DGAT1: variants seen among roughly 807,000 people sequenced by gnomAD.
DGAT1 encodes diacylglycerol O-acyltransferase 1.
DGAT1 carries 60 observed loss-of-function variants against 72.6 expected under a neutral mutation model. The observed-to-expected ratio is 0.83, with a 90% CI of 0.67 to 1.02. The LOEUF (loss-of-function observed/expected upper bound fraction) is 1.02. DGAT1 is among the 50% of genes least tolerant of loss of function. The probability of loss-of-function intolerance (pLI) is 0.00; values close to 1 mark genes in which losing one functional copy is unlikely to be tolerated. For missense variants in DGAT1, 592 were observed against 670.0 expected (o/e 0.88, Z 1.29); for synonymous variants, 290 against 267.5 (o/e 1.08, Z -0.82).
chr8:144,320,444 T>C (rs1248575205), intron 2 of DGAT1, among the ~76,000 whole-genome samples: 1 of 152,086 alleles, frequency 6.6e-6, no homozygotes, highest in African/African-American at 2.4e-5. Flanking sequence ...TCTAGGACCA[T>C]GGGCGGTGGG....
rs1817157838 is a variant in DGAT1, at chr8:144,315,189, C to T, written c.*1365G>A. 1.0e-6 allele frequency: 1 copy of T among 985,520 alleles called. No homozygotes were observed. The highest frequency in any genetic ancestry group is 1.7e-5 in the African/African-American group (1 of 57,350). 61.0% of individuals were successfully genotyped at this position (985,520 alleles called of 1,614,324 possible). A position where few individuals can be genotyped will look rare whatever the true frequency, so the allele number is the denominator to read the frequency against. ...AGCAACAGTTTGTTCTCGAGCTCCA[C>T]TGGCCAACTGATAGGGAGAGGCACA... On this transcript the variant is annotated 3_prime_UTR_variant, in exon 17 of 17. Transcript: ENST00000528718.
Position 144,317,012 on chromosome 8 carries a change from G to A in DGAT1, c.1248+10C>T. 3 of 1,612,196 alleles carry A rather than the reference G, an allele frequency of 1.9e-6. No individual in the cohort carries two copies. Among genetic ancestry groups the A allele is most frequent in the Non-Finnish European group, 2.5e-6 (3 of 1,179,608 alleles). On this transcript the variant is annotated intron_variant, in intron 15 of 16. Coordinates refer to ENST00000528718, the MANE Select transcript of DGAT1 (RefSeq NM_012079.6). ...CAGGGATGAGGCAAGATGCCCCCCA[G>A]AGCACTGACCTCGTGGAAGAAGGCC...
In DGAT1 at chr8:144,317,172, A is replaced by C. The variant is rs1324432579; in HGVS notation, c.1160+15T>G. 1 of 1,608,354 alleles carries C rather than the reference A, an allele frequency of 6.2e-7. No individual in the cohort carries two copies. The highest frequency in any genetic ancestry group is 8.5e-7 in the Non-Finnish European group (1 of 1,175,752). ...CAGCCATGTTCCACATCACACACAC[A>C]CACACCCCACCTACCTGATGCACCA... On this transcript the variant is annotated intron_variant, in intron 14 of 16. Transcript: ENST00000528718.
chr8:144,325,505 C>T (rs1447707224), intron 1 of DGAT1, among the ~76,000 whole-genome samples: 4 of 152,174 alleles, frequency 2.6e-5, no homozygotes, highest in Admixed American at 1.3e-4. Flanking sequence ...GCCTTGATAA[C>T]CTCTAGGCCC....
chr8:144,326,690 G>T lies in DGAT1; in HGVS notation c.-54C>A. On this transcript the variant is annotated 5_prime_UTR_variant, in exon 1 of 17. Transcript: ENST00000528718. ...AGCGTGGGCCCGCCGGGTTCGTAGC[G>T]CCCGAGGCGCGCGGCCCCACCTCCG... 1 of 1,135,770 alleles carries T rather than the reference G, an allele frequency of 8.8e-7. No homozygotes were observed. The highest frequency in any genetic ancestry group is 1.1e-6 in the Non-Finnish European group (1 of 925,808). The allele number at this position is 1,135,770 out of a possible 1,614,324, so 70.4% of individuals were successfully genotyped here. A position where few individuals can be genotyped will look rare whatever the true frequency, so the allele number is the denominator to read the frequency against.
intron 1 of DGAT1, among the ~76,000 whole-genome samples, chr8:144,324,585 C>T (rs1817546852): frequency 6.6e-6 from 1 of 152,142 alleles, no homozygotes; most frequent in African/African-American, 2.4e-5. Flanking sequence ...CCCAAGGAGA[C>T]CCGACCTCCA....
rs782123159 is a variant in DGAT1, at chr8:144,317,271, CAG to C, written c.1095-21_1095-20del. The stretch of plus-strand genomic sequence containing the variant: ...GGAGTTCCTGGGGGCCAAGAGACCA[CAG>C]GGGGATCAGAGCACACCATGGCCCA... On this transcript the variant is annotated intron_variant, in intron 13 of 16. Transcript: ENST00000528718. The C allele has an allele frequency of 2.5e-5, 40 of 1,611,570 alleles. No homozygotes were observed. The highest frequency in any genetic ancestry group is 3.4e-5 in the Non-Finnish European group (40 of 1,178,492).
chr8:144,320,540 G>A (rs1018201471), intron 2 of DGAT1, among the ~76,000 whole-genome samples: 3 of 152,174 alleles, frequency 2.0e-5, no homozygotes, highest in Non-Finnish European at 2.9e-5. Context: ...CTGGGTGAAG[G>A]TCAAAGGCCT....
rs150809228 is a variant in DGAT1 at position 144,315,747 on chromosome 8, C to T, written c.*807G>A. 18,048 of 915,142 alleles carry T rather than the reference C, an allele frequency of 0.02. 225 individuals are homozygous for T. Among genetic ancestry groups the T allele is most frequent in the Non-Finnish European group, 0.022 (17,039 of 765,902 alleles). 56.7% of individuals were successfully genotyped at this position (915,142 alleles called of 1,614,324 possible). ...CTGGGGATCAGGGGTGCCCCAACCT[C>T]GTGGAGGGCAGCTGAGAGCCACCAG... is the stretch of plus-strand genomic sequence containing the variant. On this transcript the variant is annotated 3_prime_UTR_variant, in exon 17 of 17. Coordinates refer to ENST00000528718, the MANE Select transcript of DGAT1 (RefSeq NM_012079.6).
intron 2 of DGAT1, among the ~76,000 whole-genome samples, chr8:144,320,605 G>A (rs528710293): frequency 7.9e-5 from 12 of 152,216 alleles, no homozygotes; most frequent in South Asian, 4.1e-4. Context: ...CCTTGTCCCC[G>A]ACCTGCCCTG....
rs373443171 is a variant in DGAT1, at chr8:144,318,453, G to T, written c.574+8C>A. 5 of 1,610,332 alleles carry T rather than the reference G, an allele frequency of 3.1e-6. No individual in the cohort carries two copies. The South Asian group carries it at 5.5e-5, about 18-fold the overall frequency. On this transcript the variant is annotated splice_region_variant and intron_variant, in intron 6 of 16. Coordinates refer to ENST00000528718, the MANE Select transcript of DGAT1 (RefSeq NM_012079.6). Reference sequence around the variant, plus strand: ...GAGACAGATGGGCAGGGTGGGATGGGGGCGCACCTGGAGTGATAGACTCAA... The same window carrying T: ...GAGACAGATGGGCAGGGTGGGATGGTGGCGCACCTGGAGTGATAGACTCAA...
Position 144,315,462 on chromosome 8 carries a change from C to T in DGAT1, c.*1092G>A. 1 of 985,558 alleles carries T rather than the reference C, an allele frequency of 1.0e-6. No homozygotes were observed. The highest frequency in any genetic ancestry group is 1.2e-6 in the Non-Finnish European group (1 of 829,992). The allele number at this position is 985,558 out of a possible 1,614,324, so 61.1% of individuals were successfully genotyped here. On this transcript the variant is annotated 3_prime_UTR_variant, in exon 17 of 17. Coordinates refer to ENST00000528718, the MANE Select transcript of DGAT1 (RefSeq NM_012079.6). The stretch of plus-strand genomic sequence containing the variant: ...GTGCAGGGCCTCCTCAAACACCTGC[C>T]TTGTTGGGCCATAGCTGCAGGTCTG...
At position 144,318,745 on chromosome 8, in the gene DGAT1, T is replaced by C. The variant is rs150538509; in HGVS notation, c.422A>G (p.Asn141Ser). 17 of 1,607,160 alleles carry C rather than the reference T, an allele frequency of 1.1e-5. No individual in the cohort carries two copies. The highest frequency in any genetic ancestry group is 4.5e-5 in the South Asian group (4 of 89,812). Residue 141 changes from asparagine to serine, a missense_variant, in exon 5 of 17, where the codon AAT (asparagine) becomes AGT (serine). Asn to Ser is a conservative substitution (Grantham distance 46). Coordinates refer to ENST00000528718, the MANE Select transcript of DGAT1 (RefSeq NM_012079.6). ...CTGGAATGCAGCCACAGCAAAGACA[T>C]TGGCCGCTGTGGACAGAAGCACCAA... The part of the protein sequence containing the change: ...WPAPCLVIAA[N>S]VFAVAAFQVE...
At position 144,317,586 on chromosome 8, in the gene DGAT1, G is replaced by A. The variant is rs1300887097; in HGVS notation, c.939C>T (p.Asp313=). 6.2e-7 allele frequency: 1 copy of A among 1,613,766 alleles called. No homozygotes were observed. The highest frequency in any genetic ancestry group is 8.5e-7 in the Non-Finnish European group (1 of 1,180,032). Residue 313 remains aspartate (D), a splice_region_variant and synonymous_variant, in exon 12 of 17, where the codon GAC becomes GAT. Transcript: ENST00000528718. ...TIQNSMKPFK[D]MDYSRIIERL... ...GCTCGATGATGCGTGAGTAGTCCAT[G>A]TCCTGCAGAAACAAGCCCTTCAGCT...
rs1230909750 is a variant in DGAT1, at chr8:144,326,827, G to A, written c.-191C>T. The A allele has an allele frequency of 1.7e-5, 5 of 302,132 alleles. No homozygotes were observed. Among genetic ancestry groups the A allele is most frequent in the Admixed American group, 5.6e-5 (1 of 17,740 alleles). 18.7% of individuals were successfully genotyped at this position (302,132 alleles called of 1,614,324 possible). On this transcript the variant is annotated 5_prime_UTR_variant, in exon 1 of 17. Coordinates refer to ENST00000528718, the MANE Select transcript of DGAT1 (RefSeq NM_012079.6). ...GGGCCCGTCGGCCTCAAGGACAACG[G>A]CTGCGTTGCTCCGGAGCCGCTAACT...
At chr8:144,316,973 G>A (rs782367223) in intron 15 of DGAT1, 49 bp downstream of exon 15, 3 of 1,611,934 alleles carry the variant, frequency 1.9e-6, no homozygotes, top group South Asian at 2.2e-5. Flanking sequence ...CCCTGCTGTG[G>A]GCATACCCCT....
chr8:144,324,990 G>A (rs1395071635), intron 1 of DGAT1, among the ~76,000 whole-genome samples: 1 of 152,042 alleles, frequency 6.6e-6, no homozygotes, highest in Non-Finnish European at 1.5e-5. Flanking sequence ...CTTGAACCTG[G>A]GAGGCAGAGG....
chr8:144,317,115 G>A lies in DGAT1; in HGVS notation c.1161-6C>T. ...GCATGGGCTTGTAGAAGTGTCTGCA[G>A]AGGAGGGGGCATGGAAAGCGGTTCA... On this transcript the variant is annotated splice_polypyrimidine_tract_variant and splice_region_variant and intron_variant, in intron 14 of 16. Transcript: ENST00000528718. The A allele has an allele frequency of 6.2e-7, 1 of 1,612,950 alleles. No individual in the cohort carries two copies. Among genetic ancestry groups the A allele is most frequent in the Non-Finnish European group, 8.5e-7 (1 of 1,179,772 alleles).
At chr8:144,318,598 C>T in intron 5 of DGAT1, 32 bp from the exon 6 acceptor site, 1 of 1,606,904 alleles carries the variant, frequency 6.2e-7, no homozygotes, top group East Asian at 2.2e-5. Flanking sequence ...TCAACCAGGG[C>T]TCCCATTGCC....
Sources: gnomAD v4.1 joint callset for allele counts (sites outside exome capture counted in the v4.1 genomes callset) on GRCh38, gnomAD v4.1.1 for gene constraint, MANE v1.5 for transcripts, NCBI Gene and HGNC (gene_info 2026-07-23, HGNC 2026-07-21) for gene names.